The following UNC5D variants were observed in gnomAD, a reference collection of about 807,000 sequenced individuals.
The protein encoded by UNC5D is unc-5 netrin receptor D, also known as netrin receptor UNC5D.
UNC5D carries 39 observed loss-of-function variants against 105.4 expected under a neutral mutation model. The observed-to-expected ratio is 0.37, with a 90% CI of 0.29 to 0.48. The LOEUF (loss-of-function observed/expected upper bound fraction) is 0.48. Among genes scored for constraint, UNC5D ranks in the 20% least tolerant of loss-of-function variants. UNC5D has a pLI of 0.98. For synonymous variants in UNC5D, 452 were observed against 450.4 expected (o/e 1.00, Z -0.04); for missense variants, 991 against 1,202.4 (o/e 0.82, Z 2.60).
intron 2 of UNC5D, among the ~76,000 whole-genome samples, chr8:35,552,850 G>C (rs1816266837): frequency 6.6e-6 from 1 of 152,172 alleles, no homozygotes; most frequent in Non-Finnish European, 1.5e-5. Context: ...AAGGAAGACA[G>C]TGGAATTTGG....
chr8:35,783,741 C>G (rs1802613121), intron 16 of UNC5D, among the ~76,000 whole-genome samples: 1 of 152,080 alleles, frequency 6.6e-6, no homozygotes, highest in East Asian at 1.9e-4. Context: ...TTTCACAGTC[C>G]TAAAGAAAGG....
At position 35,710,934 on chromosome 8, in the gene UNC5D, C is replaced by CTTTTT. The variant is rs775014566; in HGVS notation, c.1117+4991_1117+4995dup. Among the ~76,000 whole-genome samples the CTTTTT allele has an allele frequency of 8.8e-4, 101 of 114,348 alleles. 4 individuals carry two copies. The highest frequency in any genetic ancestry group is 2.9e-3 in the African/African-American group (72 of 25,026). 75.0% of individuals were successfully genotyped at this position (114,348 alleles called of 152,430 possible). A position where few individuals can be genotyped will look rare whatever the true frequency, so the allele number is the denominator to read the frequency against. Reference sequence around the variant, plus strand: ...GCCTCTTCAGTAGCTCAGCATTATTCTTTTTTTTTTTTTTTTTTTTTTGAG... The same window carrying CTTTTT: ...GCCTCTTCAGTAGCTCAGCATTATTCTTTTTTTTTTTTTTTTTTTTTTTTTTTGAG... On this transcript the variant is annotated intron_variant, in intron 8 of 16. Coordinates refer to ENST00000404895, the MANE Select transcript of UNC5D (RefSeq NM_080872.4).
intron 11 of UNC5D, among the ~76,000 whole-genome samples, chr8:35,744,241 T>C (rs1169492594): frequency 6.6e-6 from 1 of 152,144 alleles, no homozygotes; most frequent in Non-Finnish European, 1.5e-5. Flanking sequence ...TGTCGGGAGG[T>C]ATATTCTGTG....
At chr8:35,332,213 A>C (rs1257939171) in intron 1 of UNC5D, among the ~76,000 whole-genome samples, 1 of 152,192 alleles carries the variant, frequency 6.6e-6, no homozygotes, top group Non-Finnish European at 1.5e-5. Flanking sequence ...GCAGGTTTTT[A>C]AAATTCATGT....
chr8:35,474,949 G>C (rs1392814687), intron 1 of UNC5D, among the ~76,000 whole-genome samples: 6 of 152,214 alleles, frequency 3.9e-5, no homozygotes, highest in African/African-American at 1.4e-4. Flanking sequence ...GGTGAGTGAG[G>C]TCATTCATTA....
intron 3 of UNC5D, among the ~76,000 whole-genome samples, chr8:35,578,005 A>G (rs1418203303): frequency 6.6e-6 from 1 of 152,048 alleles, no homozygotes; most frequent in Non-Finnish European, 1.5e-5. Context: ...CGGATGGATC[A>G]CTTGAGGTCA....
chr8:35,346,821 G>A (rs978935456), intron 1 of UNC5D, among the ~76,000 whole-genome samples: 1 of 151,870 alleles, frequency 6.6e-6, no homozygotes, highest in East Asian at 1.9e-4. Context: ...GGCAGTAAGT[G>A]TTCACTGCTC....
intron 1 of UNC5D, among the ~76,000 whole-genome samples, chr8:35,461,163 G>GA (rs1183648843): frequency 1.1e-4 from 16 of 152,288 alleles, no homozygotes; most frequent in Non-Finnish European, 2.2e-4. Context: ...GTAGTTAGCA[G>GA]AAAGTTACAG....
Position 35,795,886 on chromosome 8 carries a change from C to G in UNC5D, c.*5323C>G, listed in dbSNP as rs1190677087. ...TACATACACTCCAGGAAGTCTCAAC[C>G]TAGAAACATTTCCAACCTAAGCATT... is the stretch of plus-strand genomic sequence containing the variant. On this transcript the variant is annotated 3_prime_UTR_variant, in exon 17 of 17. Coordinates refer to ENST00000404895, the MANE Select transcript of UNC5D (RefSeq NM_080872.4). The G allele has an allele frequency of 1.3e-5, 2 of 152,148 alleles. No homozygotes were observed. Among genetic ancestry groups the G allele is most frequent in the African/African-American group, 4.8e-5 (2 of 41,438 alleles). 9.4% of individuals were successfully genotyped at this position (152,148 alleles called of 1,614,324 possible). A position where few individuals can be genotyped will look rare whatever the true frequency, so the allele number is the denominator to read the frequency against.
intron 4 of UNC5D, among the ~76,000 whole-genome samples, chr8:35,670,531 A>AAAAG (rs1737316081): frequency 6.6e-6 from 1 of 152,146 alleles, no homozygotes; most frequent in Non-Finnish European, 1.5e-5. Flanking sequence ...TGCAGCCATA[A>AAAAG]AAAGAAATGA....
chr8:35,381,415 G>A (rs2128932623), intron 1 of UNC5D, among the ~76,000 whole-genome samples: 1 of 152,260 alleles, frequency 6.6e-6, no homozygotes, highest in South Asian at 2.1e-4. Context: ...CACTGGCTGT[G>A]TTAACAGATC....
intron 7 of UNC5D, among the ~76,000 whole-genome samples, chr8:35,691,783 G>A (rs1826415454): frequency 6.6e-6 from 1 of 152,136 alleles, no homozygotes; most frequent in African/African-American, 2.4e-5. Context: ...ACAGCCAGAG[G>A]GAAATAAGCT....
intron 11 of UNC5D, among the ~76,000 whole-genome samples, chr8:35,745,791 A>G (rs894338102): frequency 4.6e-5 from 7 of 152,222 alleles, no homozygotes; most frequent in Non-Finnish European, 8.8e-5. Context: ...TGTATGATAC[A>G]TCGAGGTGGT....
intron 1 of UNC5D, among the ~76,000 whole-genome samples, chr8:35,413,578 C>G (rs1805337967): frequency 6.6e-6 from 1 of 151,568 alleles, no homozygotes; most frequent in African/African-American, 2.4e-5. Context: ...TGACTTTCTG[C>G]TACTATCTAA....
chr8:35,313,604 T>G (rs1809061367), intron 1 of UNC5D, among the ~76,000 whole-genome samples: 1 of 152,166 alleles, frequency 6.6e-6, no homozygotes, highest in Admixed American at 6.5e-5. Flanking sequence ...ATTACACTAG[T>G]TATCAAAGCA....
intron 1 of UNC5D, among the ~76,000 whole-genome samples, chr8:35,537,293 T>C (rs1052568305): frequency 7.2e-5 from 11 of 152,156 alleles, no homozygotes; most frequent in African/African-American, 2.7e-4. Context: ...CTAACAAATA[T>C]CTCAGAGATT....
chr8:35,734,235 T>G (rs1489690764), intron 11 of UNC5D, among the ~76,000 whole-genome samples: 6 of 148,786 alleles, frequency 4.0e-5, no homozygotes, highest in African/African-American at 1.3e-4. Flanking sequence ...GGGCTCCTCC[T>G]GGATCAAGGG....
At chr8:35,783,431 GTCC>G (rs1802599903) in intron 16 of UNC5D, among the ~76,000 whole-genome samples, 1 of 152,122 alleles carries the variant, frequency 6.6e-6, no homozygotes, top group Non-Finnish European at 1.5e-5. Flanking sequence ...TAGGTAGACT[GTCC>G]TCCTGGTACC....
At chr8:35,437,700 AAAG>A (rs1807116582) in intron 1 of UNC5D, among the ~76,000 whole-genome samples, 1 of 152,080 alleles carries the variant, frequency 6.6e-6, no homozygotes, top group Non-Finnish European at 1.5e-5. Flanking sequence ...AGGCTATAGA[AAAG>A]AGATCTATAA....
Sources: gnomAD v4.1 joint callset for allele counts (sites outside exome capture counted in the v4.1 genomes callset) on GRCh38, gnomAD v4.1.1 for gene constraint, MANE v1.5 for transcripts, NCBI Gene and HGNC (gene_info 2026-07-23, HGNC 2026-07-21) for gene names.